ACOX3: variants seen among roughly 807,000 people sequenced by gnomAD.
The protein encoded by ACOX3 is acyl-CoA oxidase 3, pristanoyl, also known as peroxisomal acyl-coenzyme A oxidase 3.
In ACOX3, 73 loss-of-function variants were observed where a neutral mutation model predicts 81.5. That is an observed-to-expected ratio of 0.90 (90% CI 0.74 to 1.09). ACOX3 has a LOEUF of 1.09. Ranked by LOEUF, ACOX3 falls within the 50% of genes least tolerant of loss-of-function variation. ACOX3 has a pLI of 0.00. For synonymous variants in ACOX3, 387 were observed against 375.1 expected, an observed-to-expected ratio of 1.03 and a Z score of -0.37; for missense variants, 947 against 928.0, an observed-to-expected ratio of 1.02 and a Z score of -0.27.
At chr4:8,426,940 C>A (rs1331546039) in intron 1 of ACOX3, among the ~76,000 whole-genome samples, 1 of 152,136 alleles carries the variant, frequency 6.6e-6, no homozygotes, top group Non-Finnish European at 1.5e-5. Context: ...TCTACTACGC[C>A]CCAATTCAGC....
intron 7 of ACOX3, among the ~76,000 whole-genome samples, chr4:8,404,336 T>G (rs928129048): frequency 3.3e-5 from 5 of 152,026 alleles, no homozygotes; most frequent in African/African-American, 9.7e-5. Flanking sequence ...CAACATTAAC[T>G]AGCAGGTTCC....
intron 1 of ACOX3, among the ~76,000 whole-genome samples, chr4:8,440,185 A>G (rs2109063588): frequency 6.6e-6 from 1 of 152,256 alleles, no homozygotes; most frequent in East Asian, 1.9e-4. Context: ...TTAAAGTCGT[A>G]AGCCTTTAAA....
Position 8,389,592 on chromosome 4 carries a change from A to G in ACOX3, c.1423+20T>C. On this transcript the variant is annotated intron_variant, in intron 12 of 17. Transcript: ENST00000356406. The surrounding 1 kb of genome is among the most constrained non-coding windows in gnomAD (Gnocchi z 5.3). ...CCAGTTGGGTTCCAGCGCCCCCACCAGTGTGCAGCAGAGCCTCACCGTGGA... is the reference window on the plus strand; with the variant it reads ...CCAGTTGGGTTCCAGCGCCCCCACCGGTGTGCAGCAGAGCCTCACCGTGGA... 6.2e-7 allele frequency: 1 copy of G among 1,613,398 alleles called. No individual in the cohort carries two copies. Among genetic ancestry groups the G allele is most frequent in the Non-Finnish European group, 8.5e-7 (1 of 1,179,944 alleles).
chr4:8,366,886 G>GAATCAGAACACT lies in ACOX3; in HGVS notation c.*74_*75insAGTGTTCTGATT. ...CAGCAGCAATCTCCGGCGTGTTCTGGAATCAGAAGTTGAGGTCCACGTCTG... is the reference window on the plus strand; with the variant it reads ...CAGCAGCAATCTCCGGCGTGTTCTGGAATCAGAACACTAATCAGAAGTTGAGGTCCACGTCTG... On this transcript the variant is annotated 3_prime_UTR_variant, in exon 18 of 18. Coordinates refer to ENST00000356406, the MANE Select transcript of ACOX3 (RefSeq NM_003501.3). 2 of 1,571,744 alleles carry GAATCAGAACACT rather than the reference G, an allele frequency of 1.3e-6. No homozygotes were observed. The highest frequency in any genetic ancestry group is 2.3e-5 in the South Asian group (2 of 88,692).
intron 9 of ACOX3, 90 bp downstream of exon 9, chr4:8,396,847 A>T: frequency 6.8e-7 from 1 of 1,467,556 alleles, no homozygotes; most frequent in Non-Finnish European, 9.3e-7. Context: ...GCTTTGATCA[A>T]CTCCCAGTAA....
At chr4:8,401,418 C>T (rs1228229692) in intron 7 of ACOX3, among the ~76,000 whole-genome samples, 1 of 152,164 alleles carries the variant, frequency 6.6e-6, no homozygotes, top group African/African-American at 2.4e-5. Flanking sequence ...GCCCCCACAC[C>T]CCCATTGTCA....
chr4:8,405,118 G>C lies in ACOX3; in HGVS notation c.776+837C>G, dbSNP rs1384784360. ...CTGGTCAAGGTGACACAAAGGGCCG[G>C]CTGCACATCTGTCTCATTCCAAAAG... On this transcript the variant is annotated intron_variant, in intron 7 of 17. Coordinates refer to ENST00000356406, the MANE Select transcript of ACOX3 (RefSeq NM_003501.3). This position sits in a 1 kb window ranked among gnomAD's most constrained non-coding sequence, Gnocchi z 7.1. Among the ~76,000 whole-genome samples, 1 of 152,166 alleles carries C rather than the reference G, an allele frequency of 6.6e-6. No individual in the cohort carries two copies. The highest frequency in any genetic ancestry group is 1.5e-5 in the Non-Finnish European group (1 of 68,032).
At chr4:8,391,623 A>T (rs926414076) in intron 11 of ACOX3, among the ~76,000 whole-genome samples, 1 of 152,282 alleles carries the variant, frequency 6.6e-6, no homozygotes, top group Admixed American at 6.5e-5. Context: ...CACGCACTAC[A>T]TGCCAGATAC....
chr4:8,365,435 A>G (rs186200639), downstream of ACOX3, among the ~76,000 whole-genome samples: 643 of 152,362 alleles, frequency 4.2e-3, 7 homozygotes, highest in Non-Finnish European at 5.2e-3. Context: ...GGTTCGAGTG[A>G]CAATGGATAC....
chr4:8,389,177 A>T lies in ACOX3; in HGVS notation c.1533T>A (p.Ser511=). The part of the protein sequence containing the change: ...EVSSVADCLD[S]AVALAAYKWL... The stretch of plus-strand genomic sequence containing the variant: ...GCCCTCCACCTGTGTGTTTACCTGC[A>T]GAGTCCAAGCAGTCGGCAACACTGG... The change falls in exon 13 of 18, where the codon TCT becomes TCA. Residue 511 remains serine, a synonymous_variant. Coordinates refer to ENST00000356406, the MANE Select transcript of ACOX3 (RefSeq NM_003501.3). This position sits in a 1 kb window ranked among gnomAD's most constrained non-coding sequence, Gnocchi z 5.3. 6.2e-7 allele frequency: 1 copy of T among 1,613,350 alleles called. No homozygotes were observed. Among genetic ancestry groups the T allele is most frequent in the Non-Finnish European group, 8.5e-7 (1 of 1,179,558 alleles).
intron 14 of ACOX3, among the ~76,000 whole-genome samples, chr4:8,376,616 C>T (rs947891510): frequency 6.6e-5 from 10 of 152,180 alleles, no homozygotes; most frequent in African/African-American, 2.4e-4. Flanking sequence ...CTGACTGGTC[C>T]TGTCCCAAGA....
intron 17 of ACOX3, among the ~76,000 whole-genome samples, chr4:8,367,727 T>C (rs548369918): frequency 6.2e-5 from 8 of 128,322 alleles, no homozygotes; most frequent in African/African-American, 2.0e-4. Context: ...CCCTGCACTC[T>C]GGGAGGCTGA....
chr4:8,396,609 G>A (rs1334700596), intron 9 of ACOX3, among the ~76,000 whole-genome samples: 2 of 151,316 alleles, frequency 1.3e-5, no homozygotes, highest in Non-Finnish European at 2.9e-5. Context: ...CCTGGGAGGC[G>A]GAGGTTGCAG....
chr4:8,410,879 AGAAG>A (rs1175094393), intron 5 of ACOX3, among the ~76,000 whole-genome samples: 7 of 152,302 alleles, frequency 4.6e-5, no homozygotes, highest in Middle Eastern at 3.4e-3. Context: ...TCAGAACATC[AGAAG>A]GAAGGAAGGA....
At chr4:8,367,806 C>CAAAAAAAAAAAAAAAAAAAA (rs535574857) in intron 17 of ACOX3, among the ~76,000 whole-genome samples, 1 of 46,714 alleles carries the variant, frequency 2.1e-5, no homozygotes, top group Non-Finnish European at 4.3e-5. Context: ...CCCATCTTTA[C>CAAAAAAAAAAAAAAAAAAAA]AAAAAAAAAA....
intron 8 of ACOX3, among the ~76,000 whole-genome samples, chr4:8,397,985 A>T (rs1444200602): frequency 6.6e-6 from 1 of 152,204 alleles, no homozygotes; most frequent in Non-Finnish European, 1.5e-5. Context: ...ACATGGTGAA[A>T]CACCGTCTCT....
chr4:8,403,762 C>T (rs922576033), intron 7 of ACOX3, among the ~76,000 whole-genome samples: 6 of 152,134 alleles, frequency 3.9e-5, no homozygotes, highest in East Asian at 1.9e-4. Flanking sequence ...TCTAGAAATA[C>T]GTTTATTAGG....
chr4:8,379,363 G>A (rs946838835), intron 14 of ACOX3, among the ~76,000 whole-genome samples: 4 of 152,112 alleles, frequency 2.6e-5, no homozygotes, highest in South Asian at 2.1e-4. Context: ...TCCGCGACCC[G>A]GGGCAGGTCT....
chr4:8,374,722 AGG>A (rs1716699433), intron 15 of ACOX3: 3 of 383,042 alleles, frequency 7.8e-6, no homozygotes. Flanking sequence ...GCCTGGCATG[AGG>A]GGGCCTTCTG....
Sources: gnomAD v4.1 joint callset for allele counts (sites outside exome capture counted in the v4.1 genomes callset) on GRCh38, gnomAD v4.1.1 for gene constraint, Gnocchi (gnomAD v3.1) non-coding constraint, MANE v1.5 for transcripts, NCBI Gene and HGNC (gene_info 2026-07-23, HGNC 2026-07-21) for gene names.